SHROOM3: variants seen among roughly 807,000 people sequenced by gnomAD.
SHROOM3 encodes shroom family member 3, also known as protein Shroom3.
Under a neutral mutation model 138.6 loss-of-function variants are expected in SHROOM3, and 47 were observed. The observed-to-expected ratio is 0.34, with a 90% confidence interval of 0.27 to 0.43. The LOEUF (loss-of-function observed/expected upper bound fraction) is 0.43. Among genes scored for constraint, SHROOM3 ranks in the 20% least tolerant of loss-of-function variants. The pLI is 1.00. For synonymous variants in SHROOM3, 1,062 were observed against 1,063.3 expected (o/e 1.00, Z 0.02); for missense variants, 2,491 against 2,596.5 (o/e 0.96, Z 0.88).
At chr4:76,700,753 C>CT (rs35366797) in intron 2 of SHROOM3, among the ~76,000 whole-genome samples, 10 of 149,590 alleles carry the variant, frequency 6.7e-5, no homozygotes, top group Admixed American at 2.0e-4. Flanking sequence ...CATGAAATAT[C>CT]TTTTTTTTTT....
At chr4:76,706,069 AT>A (rs1720036818) in intron 2 of SHROOM3, among the ~76,000 whole-genome samples, 2 of 152,306 alleles carry the variant, frequency 1.3e-5, no homozygotes, top group South Asian at 4.2e-4. Context: ...TACGTACTGT[AT>A]TCTTTCAACA....
At chr4:76,749,832 CA>C (rs1721563126) in intron 6 of SHROOM3, among the ~76,000 whole-genome samples, 1 of 152,090 alleles carries the variant, frequency 6.6e-6, no homozygotes, top group Non-Finnish European at 1.5e-5. Context: ...TAGAAATTTT[CA>C]GAAAGGGTAT....
chr4:76,746,834 T>G (rs1464076158), intron 5 of SHROOM3, among the ~76,000 whole-genome samples: 2 of 146,584 alleles, frequency 1.4e-5, no homozygotes, highest in African/African-American at 5.0e-5. Flanking sequence ...ATTATTATTT[T>G]GAGACGGAGT....
chr4:76,613,617 T>C (rs955037368), intron 2 of SHROOM3, among the ~76,000 whole-genome samples: 2 of 152,220 alleles, frequency 1.3e-5, no homozygotes, highest in Non-Finnish European at 2.9e-5. Flanking sequence ...AGGGCTTCGA[T>C]GGAAGTCACC....
chr4:76,612,843 G>A (rs529905857), intron 2 of SHROOM3, among the ~76,000 whole-genome samples: 24 of 152,152 alleles, frequency 1.6e-4, no homozygotes, highest in Non-Finnish European at 3.2e-4. Context: ...GGGAGGCAGA[G>A]GCAGAAGGAT....
intron 1 of SHROOM3, among the ~76,000 whole-genome samples, chr4:76,512,751 G>A (rs1421555455): frequency 6.6e-6 from 1 of 152,146 alleles, no homozygotes; most frequent in East Asian, 1.9e-4. Flanking sequence ...CTTTCAACTT[G>A]ATGAGGTGCT....
intron 2 of SHROOM3, among the ~76,000 whole-genome samples, chr4:76,689,308 TC>T (rs1216742406): frequency 1.4e-5 from 2 of 140,650 alleles, no homozygotes; most frequent in African/African-American, 5.0e-5. Context: ...GGTCCTGAGC[TC>T]CCGGGCCAAT....
chr4:76,515,255 A>T (rs1732421662), intron 1 of SHROOM3, among the ~76,000 whole-genome samples: 1 of 151,084 alleles, frequency 6.6e-6, no homozygotes, highest in African/African-American at 2.4e-5. Flanking sequence ...ATGTTGTGGC[A>T]TGTGCCTGTA....
chr4:76,756,138 T>C (rs890726895), intron 7 of SHROOM3, among the ~76,000 whole-genome samples: 14 of 152,326 alleles, frequency 9.2e-5, no homozygotes, highest in African/African-American at 3.4e-4. Context: ...AAGGGGTTGA[T>C]CTCAAATGTG....
Position 76,738,931 on chromosome 4 carries a change from A to G in SHROOM3, c.758A>G (p.His253Arg), listed in dbSNP as rs1721160491. 6.2e-7 allele frequency: 1 copy of G among 1,614,222 alleles called. No homozygotes were observed. The part of the protein sequence containing the change: ...TGSIDQLSHF[H>R]NKRDSAYSSF... Reference sequence around the variant, plus strand: ...AGCATTGACCAGCTCAGCCACTTCCATAACAAGAGAGACTCGGCTTACAGC... The same window carrying G: ...AGCATTGACCAGCTCAGCCACTTCCGTAACAAGAGAGACTCGGCTTACAGC... The change falls in exon 5 of 11, where the codon CAT becomes CGT. Residue 253 changes from histidine (H) to arginine (R), a missense_variant. Physicochemically the swap from His to Arg is conservative, Grantham distance 29 (BLOSUM62 0). This residue lies in a region of SHROOM3 where 284 missense variants were observed against 322.8 expected (regional missense o/e 0.88). Coordinates refer to ENST00000296043, the MANE Select transcript of SHROOM3 (RefSeq NM_020859.4).
intron 1 of SHROOM3, among the ~76,000 whole-genome samples, chr4:76,538,597 G>A (rs189334022): frequency 1.3e-5 from 2 of 152,326 alleles, no homozygotes; most frequent in East Asian, 3.9e-4. Flanking sequence ...ATAGCAGGAT[G>A]TTCCAACTGG....
chr4:76,686,833 G>C (rs921651053), intron 2 of SHROOM3, among the ~76,000 whole-genome samples: 2 of 152,214 alleles, frequency 1.3e-5, no homozygotes, highest in African/African-American at 4.8e-5. Context: ...TGGCATAAAT[G>C]CACACAGTGC....
chr4:76,495,703 G>A (rs938730768), intron 1 of SHROOM3, among the ~76,000 whole-genome samples: 6 of 152,332 alleles, frequency 3.9e-5, no homozygotes, highest in African/African-American at 1.4e-4. Flanking sequence ...GGGAATAGAC[G>A]AAGTGGTTGG....
At chr4:76,774,569 T>A (rs1308068682) in intron 10 of SHROOM3, among the ~76,000 whole-genome samples, 1 of 152,120 alleles carries the variant, frequency 6.6e-6, no homozygotes, top group Non-Finnish European at 1.5e-5. Flanking sequence ...AGAGTGATTC[T>A]TTATACATTA....
intron 2 of SHROOM3, among the ~76,000 whole-genome samples, chr4:76,681,592 A>G (rs1407537688): frequency 9.3e-5 from 3 of 32,306 alleles, no homozygotes; most frequent in African/African-American, 2.7e-4. Flanking sequence ...GGCAGAGTCT[A>G]GGGTGTGTGT....
intron 3 of SHROOM3, among the ~76,000 whole-genome samples, chr4:76,723,321 C>T (rs1339023382): frequency 2.6e-5 from 4 of 152,136 alleles, no homozygotes; most frequent in Admixed American, 6.6e-5. Context: ...TGGCTATACT[C>T]TCTTGTATTC....
intron 2 of SHROOM3, among the ~76,000 whole-genome samples, chr4:76,565,879 G>T (rs1050302885): frequency 6.6e-6 from 1 of 151,984 alleles, no homozygotes; most frequent in Non-Finnish European, 1.5e-5. Context: ...ACTTTGGAAG[G>T]CCGAGGCAGG....
At chr4:76,545,093 C>CTT (rs900338107) in intron 1 of SHROOM3, among the ~76,000 whole-genome samples, 49 of 149,896 alleles carry the variant, frequency 3.3e-4, no homozygotes, top group African/African-American at 1.1e-3. Context: ...TTCTTTTTTT[C>CTT]TTTTTTTTTT....
intron 6 of SHROOM3, among the ~76,000 whole-genome samples, chr4:76,752,300 G>C (rs1167575381): frequency 2.0e-5 from 3 of 152,282 alleles, no homozygotes; most frequent in Admixed American, 2.0e-4. Flanking sequence ...TAGTAGGAGG[G>C]GGAAATGGGG....
Sources: gnomAD v4.1 joint callset for allele counts (sites outside exome capture counted in the v4.1 genomes callset) on GRCh38, gnomAD v4.1.1 for gene constraint, gnomAD v4.1.1 regional missense constraint, MANE v1.5 for transcripts, NCBI Gene and HGNC (gene_info 2026-07-23, HGNC 2026-07-21) for gene names.